The following RPS6KC1 variants were observed in gnomAD, a reference collection of about 807,000 sequenced individuals.
RPS6KC1 encodes the protein inactive ribosomal protein S6 kinase delta-1.
Under a neutral mutation model 103.8 loss-of-function variants are expected in RPS6KC1, and 54 were observed. That is an observed-to-expected ratio of 0.52 (90% CI 0.42 to 0.65). RPS6KC1 has a LOEUF of 0.65. RPS6KC1 is among the 30% of genes least tolerant of loss of function. The pLI is 0.00. For synonymous variants in RPS6KC1, 439 were observed against 438.7 expected (o/e 1.00, Z -0.01); for missense variants, 1,151 against 1,253.8 (o/e 0.92, Z 1.24).
the RPS6KC1 span, among the ~76,000 whole-genome samples, chr1:213,509,636 C>T: frequency 6.6e-6 from 1 of 152,124 alleles, no homozygotes; most frequent in South Asian, 2.1e-4. Flanking sequence ...TCAACAGAGT[C>T]AAATAATGAC....
the RPS6KC1 span, among the ~76,000 whole-genome samples, chr1:213,634,316 C>T: frequency 6.6e-6 from 1 of 152,148 alleles, no homozygotes; most frequent in Non-Finnish European, 1.5e-5. Flanking sequence ...CAAAATTGAC[C>T]ACATAGTTGG....
At chr1:213,860,890 C>A in the RPS6KC1 span, among the ~76,000 whole-genome samples, 3 of 151,844 alleles carry the variant, frequency 2.0e-5, no homozygotes, top group Admixed American at 1.3e-4. Flanking sequence ...CTCACTGCAA[C>A]CTCTGCCTCC....
chr1:213,789,395 A>C, the RPS6KC1 span, among the ~76,000 whole-genome samples: 1 of 152,188 alleles, frequency 6.6e-6, no homozygotes, highest in Non-Finnish European at 1.5e-5. Flanking sequence ...GAAAGAGTTT[A>C]GTATTATAGA....
At chr1:213,460,102 C>T in the RPS6KC1 span, among the ~76,000 whole-genome samples, 337 of 152,252 alleles carry the variant, frequency 2.2e-3, 2 homozygotes, top group African/African-American at 7.7e-3. Flanking sequence ...ATTAGGTGTG[C>T]TTGGTCCAGA....
chr1:213,859,616 A>C, the RPS6KC1 span, among the ~76,000 whole-genome samples: 3 of 152,180 alleles, frequency 2.0e-5, no homozygotes, highest in Admixed American at 1.3e-4. Context: ...CAGTGCACTG[A>C]ATTTGGCTTG....
intron 3 of RPS6KC1, among the ~76,000 whole-genome samples, chr1:213,084,490 C>T (rs184554922): frequency 3.0e-4 from 45 of 152,248 alleles, no homozygotes; most frequent in African/African-American, 9.6e-4. Flanking sequence ...TCCCTTTACT[C>T]CTAAGCACTT....
chr1:213,790,616 GAAA>G, the RPS6KC1 span, among the ~76,000 whole-genome samples: 1 of 152,152 alleles, frequency 6.6e-6, no homozygotes. Flanking sequence ...GAAAGAGAGA[GAAA>G]AAGAAGAAAG....
At chr1:213,777,259 C>T in the RPS6KC1 span, among the ~76,000 whole-genome samples, 1 of 152,128 alleles carries the variant, frequency 6.6e-6, no homozygotes, top group African/African-American at 2.4e-5. Context: ...CCTGCCTTCC[C>T]CACTAAGCTT....
At chr1:213,263,746 G>A (rs533197810) in intron 14 of RPS6KC1, among the ~76,000 whole-genome samples, 15 of 152,148 alleles carry the variant, frequency 9.9e-5, no homozygotes, top group Non-Finnish European at 2.1e-4. Context: ...AGTGCTATAA[G>A]CTACAAAGGT....
chr1:213,626,562 C>T, the RPS6KC1 span, among the ~76,000 whole-genome samples: 1 of 152,164 alleles, frequency 6.6e-6, no homozygotes, highest in African/African-American at 2.4e-5. Context: ...GGTTTTAGGT[C>T]TAACATTTAA....
intron 14 of RPS6KC1, among the ~76,000 whole-genome samples, chr1:213,268,540 TTTTATTTATATATAA>T (rs1398972621): frequency 6.8e-6 from 1 of 148,128 alleles, no homozygotes; most frequent in African/African-American, 2.5e-5. Flanking sequence ...AAAATATATA[TTTTATTTATATATAA>T]TTTATTTATA....
chr1:213,258,203 G>A (rs1170363780), intron 12 of RPS6KC1, among the ~76,000 whole-genome samples: 2 of 151,936 alleles, frequency 1.3e-5, no homozygotes, highest in African/African-American at 2.4e-5. Context: ...GGATGGTCTC[G>A]ATCTCCTGAC....
At chr1:213,323,016 G>A in the RPS6KC1 span, among the ~76,000 whole-genome samples, 7 of 140,488 alleles carry the variant, frequency 5.0e-5, no homozygotes, top group South Asian at 4.8e-4. Flanking sequence ...CACCCGCCTC[G>A]GCCTCCCAAA....
intron 3 of RPS6KC1, among the ~76,000 whole-genome samples, chr1:213,088,895 G>C (rs1023646555): frequency 6.6e-6 from 1 of 152,112 alleles, no homozygotes; most frequent in Non-Finnish European, 1.5e-5. Context: ...TCCTCAGTAC[G>C]TTTTACATTT....
chr1:213,214,809 T>A (rs947969974), intron 8 of RPS6KC1, among the ~76,000 whole-genome samples: 6 of 152,198 alleles, frequency 3.9e-5, no homozygotes, highest in African/African-American at 9.6e-5. Flanking sequence ...GACCTGCAGC[T>A]GAGGGTCCTG....
At chr1:213,426,575 G>T in the RPS6KC1 span, among the ~76,000 whole-genome samples, 3 of 152,114 alleles carry the variant, frequency 2.0e-5, no homozygotes, top group South Asian at 2.1e-4. Context: ...CATATGGTTC[G>T]GCTACTAATG....
chr1:213,457,965 G>A, the RPS6KC1 span, among the ~76,000 whole-genome samples: 2 of 152,204 alleles, frequency 1.3e-5, no homozygotes, highest in South Asian at 2.1e-4. Flanking sequence ...TTTTATAGCA[G>A]TAAGTGTACT....
At chr1:213,599,891 C>T in the RPS6KC1 span, among the ~76,000 whole-genome samples, 8 of 152,246 alleles carry the variant, frequency 5.3e-5, no homozygotes, top group East Asian at 3.9e-4. Context: ...GTGAAGCATG[C>T]GGACATGGTT....
the RPS6KC1 span, among the ~76,000 whole-genome samples, chr1:213,633,560 G>A: frequency 6.6e-6 from 1 of 151,972 alleles, no homozygotes; most frequent in East Asian, 1.9e-4. Flanking sequence ...ACTAAACATG[G>A]AAAGGAACAA....
Sources: gnomAD v4.1 joint callset for allele counts (sites outside exome capture counted in the v4.1 genomes callset) on GRCh38, gnomAD v4.1.1 for gene constraint, MANE v1.5 for transcripts, NCBI Gene and HGNC (gene_info 2026-07-23, HGNC 2026-07-21) for gene names.